The following DIAPH2 variants were observed in gnomAD, a reference collection of about 807,000 sequenced individuals.
DIAPH2 encodes the protein diaphanous related formin 2.
DIAPH2 carries 35 observed loss-of-function variants against 92.7 expected under a neutral mutation model. The observed-to-expected ratio is 0.38, with a 90% CI of 0.29 to 0.50. The LOEUF (loss-of-function observed/expected upper bound fraction) is 0.50. Ranked by LOEUF, DIAPH2 falls within the 20% of genes least tolerant of loss-of-function variation. DIAPH2 has a pLI of 0.94. For missense variants in DIAPH2, 701 were observed against 819.5 expected, an observed-to-expected ratio of 0.86 and a Z score of 1.77; for synonymous variants, 301 against 280.4, an observed-to-expected ratio of 1.07 and a Z score of -0.73.
At chrX:96,713,101 A>C (rs2063928936) in intron 1 of DIAPH2, among the ~76,000 whole-genome samples, 2 of 111,722 alleles carry the variant, frequency 1.8e-5, no homozygotes, top group Non-Finnish European at 3.8e-5. Flanking sequence ...GTACTAGTAC[A>C]TATTTCCAAA....
intron 17 of DIAPH2, among the ~76,000 whole-genome samples, chrX:97,005,141 G>A (rs1010239098): frequency 4.5e-5 from 5 of 111,807 alleles, no homozygotes; most frequent in African/African-American, 1.6e-4. Context: ...TCCCCAGGAT[G>A]AATCCCACTT....
intron 3 of DIAPH2, among the ~76,000 whole-genome samples, chrX:96,742,021 C>G (rs1017584512): frequency 1.8e-5 from 2 of 111,013 alleles, no homozygotes; most frequent in African/African-American, 3.3e-5. Flanking sequence ...ACTTCATAAC[C>G]AACATCTTTC....
intron 4 of DIAPH2, among the ~76,000 whole-genome samples, chrX:96,823,261 C>G (rs924278287): frequency 9.0e-6 from 1 of 110,891 alleles, no homozygotes; most frequent in African/African-American, 3.3e-5. Flanking sequence ...CCTAATGAAG[C>G]AGATGTATAA....
intron 26 of DIAPH2, among the ~76,000 whole-genome samples, chrX:97,580,124 T>C (rs924477223): frequency 9.1e-6 from 1 of 110,394 alleles, no homozygotes; most frequent in African/African-American, 3.3e-5. Context: ...ACAGGGACAA[T>C]TTGACTTCCT....
rs1054563176 is a variant in DIAPH2, at chrX:97,431,744, G to T, written c.3241+1999G>T. Reference sequence around the variant, plus strand: ...AAACTCGAATGCAGACAGTGGCAGTGGTTGGGAAGCACCTTGGTCATCAGT... The same window carrying T: ...AAACTCGAATGCAGACAGTGGCAGTTGTTGGGAAGCACCTTGGTCATCAGT... On this transcript the variant is annotated intron_variant, in intron 26 of 26. Coordinates refer to ENST00000324765, the MANE Select transcript of DIAPH2 (RefSeq NM_006729.5). 2.1e-4 allele frequency: 23 copies of T among 112,188 alleles called. No homozygotes were observed. The Admixed American group carries it at 2.1e-3, about 10-fold the overall frequency. The allele number at this position is 112,188 out of a possible 1,213,427, so 9.2% of individuals were successfully genotyped here.
chrX:96,968,964 A>T (rs2065910734), intron 17 of DIAPH2, among the ~76,000 whole-genome samples: 1 of 112,551 alleles, frequency 8.9e-6, no homozygotes, highest in Non-Finnish European at 1.9e-5. Flanking sequence ...TCACAGTGCC[A>T]TTTATTGAAT....
intron 4 of DIAPH2, among the ~76,000 whole-genome samples, chrX:96,802,355 C>T (rs2064589033): frequency 8.9e-6 from 1 of 112,092 alleles, no homozygotes; most frequent in Non-Finnish European, 1.9e-5. Context: ...TGATTTTGCT[C>T]TATTAAAACT....
chrX:97,597,190 AGGAAAGG>A (rs770119333), intron 26 of DIAPH2, among the ~76,000 whole-genome samples: 1 of 111,909 alleles, frequency 8.9e-6, no homozygotes, highest in African/African-American at 3.2e-5. Flanking sequence ...GAGGCAAAGA[AGGAAAGG>A]AGAAAGGAAT....
At chrX:97,583,423 G>A (rs2071455527) in intron 26 of DIAPH2, among the ~76,000 whole-genome samples, 2 of 110,308 alleles carry the variant, frequency 1.8e-5, no homozygotes, top group Admixed American at 9.7e-5. Flanking sequence ...GTCTGTTGGA[G>A]TACCCTGCAG....
chrX:97,241,878 C>A (rs1293884524), intron 22 of DIAPH2, among the ~76,000 whole-genome samples: 3 of 101,215 alleles, frequency 3.0e-5, no homozygotes, highest in Non-Finnish European at 5.9e-5. Flanking sequence ...CGGATTCCAG[C>A]GATTCTCCTG....
At chrX:97,207,823 CTTTCT>C (rs2067809768) in intron 22 of DIAPH2, among the ~76,000 whole-genome samples, 2 of 111,581 alleles carry the variant, frequency 1.8e-5, no homozygotes, top group African/African-American at 6.5e-5. Flanking sequence ...TACTGAAATT[CTTTCT>C]TTTATTTTGT....
At chrX:96,970,813 C>G (rs1427646235) in intron 17 of DIAPH2, among the ~76,000 whole-genome samples, 1 of 111,091 alleles carries the variant, frequency 9.0e-6, no homozygotes, top group Non-Finnish European at 1.9e-5. Context: ...TCTGCTTCCT[C>G]TAGGTGTGAA....
chrX:96,952,509 G>T (rs1434834090), intron 15 of DIAPH2, among the ~76,000 whole-genome samples: 1 of 111,470 alleles, frequency 9.0e-6, no homozygotes, highest in African/African-American at 3.3e-5. Flanking sequence ...GCCGAGGCGG[G>T]CAGATCACGA....
intron 26 of DIAPH2, among the ~76,000 whole-genome samples, chrX:97,494,581 C>T (rs1205605351): frequency 8.9e-6 from 1 of 111,979 alleles, no homozygotes; most frequent in Non-Finnish European, 1.9e-5. Context: ...GGTGTCTGCA[C>T]ATTTGAGGAA....
At chrX:97,544,158 C>T (rs1031635686) in intron 26 of DIAPH2, among the ~76,000 whole-genome samples, 28 of 111,436 alleles carry the variant, frequency 2.5e-4, no homozygotes, top group African/African-American at 8.5e-4. Context: ...ATTGTCACCC[C>T]AGCACTTCAC....
At chrX:97,537,310 G>A (rs1370458865) in intron 26 of DIAPH2, among the ~76,000 whole-genome samples, 1 of 111,791 alleles carries the variant, frequency 8.9e-6, no homozygotes, top group Admixed American at 9.5e-5. Flanking sequence ...ACATCATTCT[G>A]TATTAGAGGT....
At chrX:97,509,324 G>A (rs1334569840) in intron 26 of DIAPH2, among the ~76,000 whole-genome samples, 1 of 109,859 alleles carries the variant, frequency 9.1e-6, no homozygotes, top group African/African-American at 3.3e-5. Flanking sequence ...TGGGATTACA[G>A]GCGTAAGCCA....
intron 22 of DIAPH2, among the ~76,000 whole-genome samples, chrX:97,170,596 TAAG>T (rs1473644927): frequency 9.0e-6 from 1 of 111,583 alleles, no homozygotes; most frequent in Non-Finnish European, 1.9e-5. Flanking sequence ...GAATTGGTAA[TAAG>T]AAGTATTTTC....
intron 4 of DIAPH2, among the ~76,000 whole-genome samples, chrX:96,785,845 C>T (rs1417602355): frequency 9.0e-6 from 1 of 111,110 alleles, no homozygotes; most frequent in Non-Finnish European, 1.9e-5. Context: ...CGTATCACCT[C>T]CCAAAGTTCC....
Sources: gnomAD v4.1 joint callset for allele counts (sites outside exome capture counted in the v4.1 genomes callset) on GRCh38, gnomAD v4.1.1 for gene constraint, MANE v1.5 for transcripts, NCBI Gene and HGNC (gene_info 2026-07-23, HGNC 2026-07-21) for gene names.